The following VPS39 variants were observed in gnomAD, a reference collection of about 807,000 sequenced individuals.
VPS39 encodes the protein vam6/Vps39-like protein.
VPS39 carries 70 observed loss-of-function variants against 121.0 expected under a neutral mutation model. That is an observed-to-expected ratio of 0.58 (90% confidence interval 0.48 to 0.71). VPS39 has a LOEUF of 0.71. VPS39 is among the 30% of genes least tolerant of loss of function. The probability of loss-of-function intolerance (pLI) is 0.00; values close to 1 mark genes in which losing one functional copy is unlikely to be tolerated. For synonymous variants in VPS39, 378 were observed against 398.1 expected (o/e 0.95, Z 0.60); for missense variants, 818 against 1,051.5 (o/e 0.78, Z 3.07).
At chr15:42,170,842 C>T (rs1247430472) in intron 11 of VPS39, among the ~76,000 whole-genome samples, 20 of 145,170 alleles carry the variant, frequency 1.4e-4, no homozygotes, top group Admixed American at 1.2e-3. Flanking sequence ...AGTGATCCTC[C>T]TGCCTCACCT....
chr15:42,166,464 A>G, intron 15 of VPS39, 99 bp downstream of exon 15: 1 of 1,366,278 alleles, frequency 7.3e-7, no homozygotes, highest in South Asian at 1.2e-5. Context: ...GAACACGAGC[A>G]CGGGAGGGAG....
chr15:42,169,968 T>TA (rs2049315914), intron 11 of VPS39, 102 bp from the exon 12 acceptor site: 6 of 1,245,584 alleles, frequency 4.8e-6, no homozygotes, highest in Middle Eastern at 3.0e-4. Context: ...CCAGACTGAT[T>TA]TAAAAAAAAA....
Position 42,208,164 on chromosome 15 carries a change from G to T in VPS39, c.-11C>A, listed in dbSNP as rs921817966. 1 of 1,565,560 alleles carries T rather than the reference G, an allele frequency of 6.4e-7. No homozygotes were observed. The highest frequency in any genetic ancestry group is 1.2e-5 in the South Asian group (1 of 85,038). Reference sequence around the variant, plus strand: ...GAAAGCGTCGTGCATGGCGGCAAGGGGAGAGTTGCCACCGCCGTCTCGCCC... The same window carrying T: ...GAAAGCGTCGTGCATGGCGGCAAGGTGAGAGTTGCCACCGCCGTCTCGCCC... On this transcript the variant is annotated 5_prime_UTR_variant, in exon 1 of 25. Transcript: ENST00000318006.
intron 1 of VPS39, among the ~76,000 whole-genome samples, chr15:42,206,978 C>T (rs971702413): frequency 2.0e-5 from 3 of 152,196 alleles, no homozygotes; most frequent in African/African-American, 7.2e-5. Flanking sequence ...GGATTCTCCT[C>T]TTAACCCAAA....
chr15:42,160,367 G>A lies in VPS39; in HGVS notation c.*387C>T. The A allele has an allele frequency of 4.3e-6, 1 of 230,456 alleles. No homozygotes were observed. 14.3% of individuals were successfully genotyped at this position (230,456 alleles called of 1,614,324 possible). On this transcript the variant is annotated 3_prime_UTR_variant, in exon 25 of 25. Coordinates refer to ENST00000318006, the MANE Select transcript of VPS39 (RefSeq NM_015289.5). The stretch of plus-strand genomic sequence containing the variant: ...ACTCTCCAGTGAGCCATGCTGAGCG[G>A]TCCTTGTGAAGTCATGTACTTAATA...
At chr15:42,166,273 C>T (rs541077844) in intron 15 of VPS39, 41 bp from the exon 16 acceptor site, 1 of 1,594,874 alleles carries the variant, frequency 6.3e-7, no homozygotes, top group Admixed American at 1.7e-5. Flanking sequence ...TGAGGCCCAT[C>T]TTGCCTGTGG....
At chr15:42,199,650 A>C (rs2620381) in intron 2 of VPS39, 14,333 of 507,106 alleles carry the variant, frequency 0.028, 840 homozygotes, top group Admixed American at 0.13. Context: ...TTAGAGACTC[A>C]CTACCAGTAA....
At chr15:42,180,629 T>C (rs1001323584) in intron 8 of VPS39, among the ~76,000 whole-genome samples, 2 of 152,200 alleles carry the variant, frequency 1.3e-5, no homozygotes, top group East Asian at 3.8e-4. Flanking sequence ...ACACAAAACA[T>C]ATCTTTAAAA....
chr15:42,181,227 C>T (rs1479467403), intron 8 of VPS39, among the ~76,000 whole-genome samples: 1 of 151,994 alleles, frequency 6.6e-6, no homozygotes, highest in African/African-American at 2.4e-5. Flanking sequence ...ATATATATTA[C>T]CTTTTTAAGG....
At chr15:42,163,878 T>G (rs1353710162) in intron 19 of VPS39, 150 bp from the exon 20 acceptor site, 4 of 632,126 alleles carry the variant, frequency 6.3e-6, no homozygotes, top group African/African-American at 1.8e-5. Flanking sequence ...AGAAAATAAC[T>G]GAAGTTTAAA....
Position 42,176,161 on chromosome 15 carries a change from C to T in VPS39, c.960+2057G>A, listed in dbSNP as rs1419884200. Among the ~76,000 whole-genome samples the T allele has an allele frequency of 2.0e-5, 3 of 152,050 alleles. No individual in the cohort carries two copies. In the East Asian group the frequency reaches 5.8e-4, roughly 29 times the overall value. ...AGAAAAGAGAAGGAAAAATGGGAACCCACTTCCATTTTCTTTACCTGAGAT... is the reference window on the plus strand; with the variant it reads ...AGAAAAGAGAAGGAAAAATGGGAACTCACTTCCATTTTCTTTACCTGAGAT... On this transcript the variant is annotated intron_variant, in intron 10 of 24. Coordinates refer to ENST00000318006, the MANE Select transcript of VPS39 (RefSeq NM_015289.5).
chr15:42,196,153 C>T (rs1468306993), intron 2 of VPS39, among the ~76,000 whole-genome samples: 1 of 152,068 alleles, frequency 6.6e-6, no homozygotes, highest in African/African-American at 2.4e-5. Context: ...TTCCTTACAC[C>T]TTATACAAAA....
chr15:42,187,911 G>A (rs1373119292), intron 5 of VPS39, 55 bp from the exon 6 acceptor site: 1 of 1,496,108 alleles, frequency 6.7e-7, no homozygotes, highest in Non-Finnish European at 9.3e-7. Context: ...CTAACTGAGT[G>A]ATAACTAAAT....
chr15:42,168,511 G>A (rs2049288257), intron 12 of VPS39, among the ~76,000 whole-genome samples: 1 of 151,734 alleles, frequency 6.6e-6, no homozygotes, highest in African/African-American at 2.4e-5. Context: ...GGAGTGGAAA[G>A]TGGCATGACA....
chr15:42,165,573 T>G, intron 17 of VPS39, 145 bp downstream of exon 17: 1 of 633,350 alleles, frequency 1.6e-6, no homozygotes, highest in Non-Finnish European at 2.7e-6. Context: ...ACTGGGATCT[T>G]TTTCTTCAGA....
chr15:42,160,772 T>C lies in VPS39; in HGVS notation c.2610A>G (p.Val870=), dbSNP rs986297980. 3 of 1,614,222 alleles carry C rather than the reference T, an allele frequency of 1.9e-6. No individual in the cohort carries two copies. Among genetic ancestry groups the C allele is most frequent in the Admixed American group, 3.3e-5 (2 of 60,032 alleles). The part of the protein sequence containing the change: ...VVVHYFCSKE[V]NPADT ...GCTGGGCTCAAGTGTCAGCTGGGTT[T>C]ACCTCTTTGGAACAGAAGTAATGGA... Residue 870 remains valine (V), a synonymous_variant, in exon 25 of 25, where the codon GTA becomes GTG. Coordinates refer to ENST00000318006, the MANE Select transcript of VPS39 (RefSeq NM_015289.5).
intron 12 of VPS39, 117 bp downstream of exon 12, chr15:42,169,607 A>T: frequency 1.7e-6 from 2 of 1,197,138 alleles, no homozygotes; most frequent in Non-Finnish European, 2.2e-6. Context: ...CAGACTTCCT[A>T]CAGCATTAAT....
At position 42,180,060 on chromosome 15, in the gene VPS39, C is replaced by G. The variant is rs144618485; in HGVS notation, c.719-1490G>C. ...CCTTACCAGACACCAGATGCCGGCA[C>G]CCTGATCTGGGACTTCCAAGTCTCC... On this transcript the variant is annotated intron_variant, in intron 8 of 24. Coordinates refer to ENST00000318006, the MANE Select transcript of VPS39 (RefSeq NM_015289.5). 2.5e-3 allele frequency among the ~76,000 whole-genome samples: 384 copies of G among 152,234 alleles called. 1 individual carries two copies. The highest frequency in any genetic ancestry group is 8.7e-3 in the African/African-American group (361 of 41,516).
intron 20 of VPS39, 28 bp from the exon 21 acceptor site, chr15:42,163,423 G>A (rs761556202): frequency 3.1e-6 from 5 of 1,614,026 alleles, no homozygotes; most frequent in Non-Finnish European, 4.2e-6. Context: ...GTGAGAGCAG[G>A]TGGTGTGAGG....
Sources: gnomAD v4.1 joint callset for allele counts (sites outside exome capture counted in the v4.1 genomes callset) on GRCh38, gnomAD v4.1.1 for gene constraint, MANE v1.5 for transcripts, NCBI Gene and HGNC (gene_info 2026-07-23, HGNC 2026-07-21) for gene names.